The following ST14 variants were observed in gnomAD, a reference collection of about 807,000 sequenced individuals.
The protein encoded by ST14 is ST14 transmembrane serine protease matriptase, also known as suppressor of tumorigenicity 14 protein.
Under a neutral mutation model 96.5 loss-of-function variants are expected in ST14, and 40 were observed. The ratio of observed to expected loss-of-function variants is 0.41; its 90% confidence interval spans 0.32 to 0.54. The LOEUF (loss-of-function observed/expected upper bound fraction) is 0.54, where lower values mean the gene tolerates loss of function less well. Among genes scored for constraint, ST14 ranks in the 20% least tolerant of loss-of-function variants. The probability of loss-of-function intolerance (pLI) is 0.17; values close to 1 mark genes in which losing one functional copy is unlikely to be tolerated. For synonymous variants in ST14, 506 were observed against 492.1 expected (o/e 1.03, Z -0.37); for missense variants, 1,066 against 1,188.9 (o/e 0.90, Z 1.52).
intron 1 of ST14, among the ~76,000 whole-genome samples, chr11:130,162,957 TG>T (rs1329548687): frequency 1.3e-5 from 2 of 152,152 alleles, no homozygotes; most frequent in African/African-American, 4.8e-5. Context: ...CTCTAAGCCT[TG>T]GTTTCTGTGG....
chr11:130,189,803 G>T lies in ST14; in HGVS notation c.505G>T (p.Ala169Ser). 6.2e-7 allele frequency: 1 copy of T among 1,613,856 alleles called. No homozygotes were observed. The highest frequency in any genetic ancestry group is 8.5e-7 in the Non-Finnish European group (1 of 1,179,958). ...CATCCCGCAGCACCTGGTGGAGGAG[G>T]CCGAGCGCGTCATGGCCGAGGAGCG... ...FSIPQHLVEEAERVMAEERVV... is the reference protein window; with the variant it reads ...FSIPQHLVEESERVMAEERVV... Residue 169 changes from alanine to serine, a missense_variant, in exon 5 of 19, where the codon GCC becomes TCC. Ala to Ser is a moderately conservative substitution (Grantham distance 99). Transcript: ENST00000278742.
chr11:130,166,198 T>C (rs1953039266), intron 1 of ST14, among the ~76,000 whole-genome samples: 1 of 152,228 alleles, frequency 6.6e-6, no homozygotes, highest in Non-Finnish European at 1.5e-5. Flanking sequence ...GCGGAAGTTT[T>C]AAAATGAAAA....
At chr11:130,195,689 C>A (rs1165084350) in intron 9 of ST14, among the ~76,000 whole-genome samples, 3 of 152,000 alleles carry the variant, frequency 2.0e-5, no homozygotes, top group Non-Finnish European at 4.4e-5. Context: ...CCTGTCTCTA[C>A]TAAAAATACA....
intron 16 of ST14, among the ~76,000 whole-genome samples, chr11:130,207,996 G>T (rs1591898489): frequency 6.6e-6 from 1 of 152,094 alleles, no homozygotes; most frequent in Admixed American, 6.6e-5. Context: ...GCTTGAACTC[G>T]GGAGGTGGAG....
rs753572982 is a variant in ST14 at position 130,188,176 on chromosome 11, A to G, written c.144A>G (p.Glu48=). Residue 48 remains glutamate (E), a synonymous_variant, in exon 2 of 19, where the codon GAA becomes GAG. Transcript: ENST00000278742. This position sits in a 1 kb window ranked among gnomAD's most constrained non-coding sequence, Gnocchi z 5.4. ...CAGTCAACAACGTCAAGAAGGTGGAAAAGCATGGCCCGGGGCGCTGGGTGG... is the reference window on the plus strand; with the variant it reads ...CAGTCAACAACGTCAAGAAGGTGGAGAAGCATGGCCCGGGGCGCTGGGTGG... ...FLPVNNVKKV[E]KHGPGRWVVL... 1 of 1,614,178 alleles carries G rather than the reference A, an allele frequency of 6.2e-7. No individual in the cohort carries two copies.
At chr11:130,192,488 AT>A (rs1953314390) in intron 7 of ST14, among the ~76,000 whole-genome samples, 1 of 152,168 alleles carries the variant, frequency 6.6e-6, no homozygotes, top group South Asian at 2.1e-4. Flanking sequence ...TCCTGGGTTC[AT>A]GCGATTCTCC....
Position 130,198,507 on chromosome 11 carries a change from G to C in ST14, c.1571-1G>C. Reference sequence around the variant, plus strand: ...GTGGCTGAGTCCTGGTGCCTCTCCAGGTTGTCCGGCCCAGACCTTCAGGTG... The same window carrying C: ...GTGGCTGAGTCCTGGTGCCTCTCCACGTTGTCCGGCCCAGACCTTCAGGTG... On this transcript the variant is annotated splice_acceptor_variant, in intron 13 of 18. Coordinates refer to ENST00000278742, the MANE Select transcript of ST14 (RefSeq NM_021978.4). LOFTEE classifies it high-confidence loss of function. 1 of 1,614,096 alleles carries C rather than the reference G, an allele frequency of 6.2e-7. No homozygotes were observed. The highest frequency in any genetic ancestry group is 8.5e-7 in the Non-Finnish European group (1 of 1,180,010).
intron 1 of ST14, among the ~76,000 whole-genome samples, chr11:130,169,034 TA>T (rs11345590): frequency 0.22 from 31,838 of 146,872 alleles, 5,889 homozygotes; most frequent in African/African-American, 0.5. Context: ...TTTGTGCAGT[TA>T]AAAAAAAAGC....
intron 8 of ST14, 50 bp from the exon 9 acceptor site, chr11:130,194,590 C>G: frequency 1.9e-6 from 3 of 1,591,974 alleles, no homozygotes; most frequent in Non-Finnish European, 2.6e-6. Flanking sequence ...TCCGCCTGCT[C>G]GGCCGGGCAG....
rs1179866482 is a variant in ST14, at chr11:130,200,078, C to T, written c.1935C>T (p.Leu645=). The change falls in exon 16 of 19, where the codon CTC becomes CTT. Residue 645 remains leucine (L), a synonymous_variant. Transcript: ENST00000278742. ...AGGGCCACATCTGCGGTGCTTCCCT[C>T]ATCTCTCCCAACTGGCTGGTCTCTG... ...LGQGHICGAS[L]ISPNWLVSAA... 6.2e-7 allele frequency: 1 copy of T among 1,614,242 alleles called. No individual in the cohort carries two copies. The highest frequency in any genetic ancestry group is 1.7e-5 in the Admixed American group (1 of 60,032).
At chr11:130,170,307 C>T (rs1953079366) in intron 1 of ST14, among the ~76,000 whole-genome samples, 1 of 152,040 alleles carries the variant, frequency 6.6e-6, no homozygotes, top group Non-Finnish European at 1.5e-5. Context: ...TTCCAGCCTG[C>T]CCTGGGGAGG....
intron 16 of ST14, among the ~76,000 whole-genome samples, chr11:130,200,853 C>T (rs554210561): frequency 6.6e-6 from 1 of 152,150 alleles, no homozygotes; most frequent in Non-Finnish European, 1.5e-5. Flanking sequence ...AGTGGCAGAG[C>T]CAGACTTGAG....
chr11:130,196,194 C>CAAAAAAACAAACAAAA (rs200271755), intron 9 of ST14, 145 bp from the exon 10 acceptor site: 8 of 698,748 alleles, frequency 1.1e-5, no homozygotes, highest in African/African-American at 1.1e-4. Flanking sequence ...AACAAACAAA[C>CAAAAAAACAAACAAAA]ACGCTGGGAG....
At chr11:130,167,754 G>A (rs574903819) in intron 1 of ST14, among the ~76,000 whole-genome samples, 9 of 151,838 alleles carry the variant, frequency 5.9e-5, no homozygotes, top group East Asian at 3.9e-4. Context: ...TTGCTCTGTC[G>A]CCTAGGCTGG....
rs1241042069 is a variant in ST14, at chr11:130,181,395, C to T, written c.82-6719C>T. Among the ~76,000 whole-genome samples the T allele has an allele frequency of 1.3e-5, 2 of 152,168 alleles. No homozygotes were observed. Among genetic ancestry groups the T allele is most frequent in the Non-Finnish European group, 2.9e-5 (2 of 68,026 alleles). ...TTGGCCAGGATCTAACTACAGTGGG[C>T]CAGCAGGAAGAGGCTGTGATATTTA... On this transcript the variant is annotated intron_variant, in intron 1 of 18. Coordinates refer to ENST00000278742, the MANE Select transcript of ST14 (RefSeq NM_021978.4). This position sits in a 1 kb window ranked among gnomAD's most constrained non-coding sequence, Gnocchi z 4.1.
chr11:130,168,091 T>A (rs1199664935), intron 1 of ST14, among the ~76,000 whole-genome samples: 1 of 152,260 alleles, frequency 6.6e-6, no homozygotes, highest in East Asian at 1.9e-4. Flanking sequence ...GATTTTTGAT[T>A]GCCTTATAAG....
At position 130,159,898 on chromosome 11, in the gene ST14, C is replaced by A; in HGVS notation, c.-82C>A. 1.1e-6 allele frequency: 1 copy of A among 874,348 alleles called. No individual in the cohort carries two copies. The highest frequency in any genetic ancestry group is 1.5e-6 in the Non-Finnish European group (1 of 671,228). The allele number at this position is 874,348 out of a possible 1,614,324, so 54.2% of individuals were successfully genotyped here. The stretch of plus-strand genomic sequence containing the variant: ...GCCCGGAATCCCGCCGCCTGCGCCC[C>A]GCGCCCCGCGCCCTGCGGGCCATGG... On this transcript the variant is annotated 5_prime_UTR_variant, in exon 1 of 19. Coordinates refer to ENST00000278742, the MANE Select transcript of ST14 (RefSeq NM_021978.4).
In ST14 at chr11:130,190,356, G is replaced by A. The variant is rs957583555; in HGVS notation, c.635-98G>A. 1.6e-5 allele frequency: 26 copies of A among 1,577,142 alleles called. 2 individuals are homozygous for A. Among genetic ancestry groups the A allele is most frequent in the East Asian group, 1.1e-4 (5 of 44,596 alleles). ...GGGCAGCCTGGGGCGTCTCGAAGGG[G>A]CGAGGCCTGAGGTCCACACCCACGG... On this transcript the variant is annotated intron_variant, in intron 6 of 18. Coordinates refer to ENST00000278742, the MANE Select transcript of ST14 (RefSeq NM_021978.4).
chr11:130,166,804 G>A (rs770066382), intron 1 of ST14, among the ~76,000 whole-genome samples: 1 of 152,186 alleles, frequency 6.6e-6, no homozygotes, highest in Non-Finnish European at 1.5e-5. Context: ...CAAAGTCGAA[G>A]TGTGCTTTCT....
Sources: gnomAD v4.1 joint callset for allele counts (sites outside exome capture counted in the v4.1 genomes callset) on GRCh38, gnomAD v4.1.1 for gene constraint, Gnocchi (gnomAD v3.1) non-coding constraint, MANE v1.5 for transcripts, NCBI Gene and HGNC (gene_info 2026-07-23, HGNC 2026-07-21) for gene names.